The following ST6GALNAC5 variants were observed in gnomAD, a reference collection of about 807,000 sequenced individuals.
The protein encoded by ST6GALNAC5 is ST6 N-acetylgalactosaminide alpha-2,6-sialyltransferase 5, also known as alpha-N-acetylgalactosaminide alpha-2,6-sialyltransferase 5.
In ST6GALNAC5, 27 loss-of-function variants were observed where a neutral mutation model predicts 33.6. The ratio of observed to expected loss-of-function variants is 0.80; its 90% confidence interval spans 0.59 to 1.11. The LOEUF is 1.11. Ranked by LOEUF, ST6GALNAC5 falls within the 50% of genes least tolerant of loss-of-function variation. The probability of loss-of-function intolerance (pLI) is 0.00; values close to 1 mark genes in which losing one functional copy is unlikely to be tolerated. For synonymous variants in ST6GALNAC5, 194 were observed against 171.2 expected (o/e 1.13, Z -1.04); for missense variants, 428 against 454.0 (o/e 0.94, Z 0.52).
intron 2 of ST6GALNAC5, among the ~76,000 whole-genome samples, chr1:76,883,228 C>A (rs181746809): frequency 6.6e-5 from 10 of 152,310 alleles, no homozygotes; most frequent in Non-Finnish European, 1.2e-4. Flanking sequence ...CTAAAATATT[C>A]TCTGTATCTT....
intron 2 of ST6GALNAC5, among the ~76,000 whole-genome samples, chr1:76,991,839 GCA>G (rs4032991): frequency 0.021 from 3,106 of 149,038 alleles, 71 homozygotes; most frequent in African/African-American, 0.06. Context: ...ACGCGTGTGC[GCA>G]CACACACACA....
chr1:76,958,918 C>A (rs1648113988), intron 2 of ST6GALNAC5, among the ~76,000 whole-genome samples: 1 of 152,150 alleles, frequency 6.6e-6, no homozygotes, highest in East Asian at 1.9e-4. Flanking sequence ...ACCTTTCTCT[C>A]TTTATCCTCT....
chr1:76,970,235 G>C (rs1648689771), intron 2 of ST6GALNAC5, among the ~76,000 whole-genome samples: 2 of 152,050 alleles, frequency 1.3e-5, no homozygotes, highest in South Asian at 4.1e-4. Context: ...GGCTTCAGAA[G>C]GTCGGTAATA....
intron 2 of ST6GALNAC5, chr1:76,995,580 C>T (rs1649899454): frequency 1.3e-5 from 2 of 151,936 alleles, no homozygotes; most frequent in Non-Finnish European, 2.9e-5. Flanking sequence ...CTTTCTGTCT[C>T]TCTCCTAGAG....
At chr1:76,993,685 T>C (rs377454949) in intron 2 of ST6GALNAC5, among the ~76,000 whole-genome samples, 11 of 152,354 alleles carry the variant, frequency 7.2e-5, no homozygotes, top group Middle Eastern at 6.8e-3. Flanking sequence ...CAGGGCTCTA[T>C]TCCTCATATC....
At chr1:77,011,301 C>G (rs1410170526) in intron 2 of ST6GALNAC5, among the ~76,000 whole-genome samples, 1 of 152,174 alleles carries the variant, frequency 6.6e-6, no homozygotes, top group East Asian at 1.9e-4. Flanking sequence ...TGTACAAAGT[C>G]ACCAACACAT....
At chr1:76,871,082 G>T (rs536871087) in intron 2 of ST6GALNAC5, among the ~76,000 whole-genome samples, 1 of 152,324 alleles carries the variant, frequency 6.6e-6, no homozygotes, top group South Asian at 2.1e-4. Flanking sequence ...AAAAGTTCCT[G>T]TTTAATTAGG....
intron 2 of ST6GALNAC5, among the ~76,000 whole-genome samples, chr1:76,990,485 C>T (rs1308366611): frequency 6.6e-6 from 1 of 152,118 alleles, no homozygotes; most frequent in Non-Finnish European, 1.5e-5. Flanking sequence ...AGCCTTCTGT[C>T]TTCTTTGGTG....
chr1:77,006,482 T>A (rs1436116910), intron 2 of ST6GALNAC5, among the ~76,000 whole-genome samples: 4 of 151,696 alleles, frequency 2.6e-5, no homozygotes, highest in Non-Finnish European at 5.9e-5. Flanking sequence ...CCTGGCTAAT[T>A]TTTGTAGTTT....
chr1:76,974,714 A>G (rs1198680909), intron 2 of ST6GALNAC5, among the ~76,000 whole-genome samples: 2 of 188 alleles, frequency 0.011, no homozygotes, highest in Admixed American at 0.036. Context: ...ATATAAGATA[A>G]CAGTCTTATA....
intron 2 of ST6GALNAC5, among the ~76,000 whole-genome samples, chr1:76,878,912 A>C (rs1015565151): frequency 6.6e-6 from 1 of 152,140 alleles, no homozygotes; most frequent in Non-Finnish European, 1.5e-5. Flanking sequence ...CTGTCCATTA[A>C]GGTAGCTATG....
At chr1:76,896,593 G>GTGGTGAATGTC (rs1204944814) in intron 2 of ST6GALNAC5, among the ~76,000 whole-genome samples, 2 of 151,948 alleles carry the variant, frequency 1.3e-5, no homozygotes, top group African/African-American at 4.8e-5. Flanking sequence ...ATGGGGAAAT[G>GTGGTGAATGTC]AGGTGGATCA....
At chr1:76,904,440 A>G (rs1646846260) in intron 2 of ST6GALNAC5, among the ~76,000 whole-genome samples, 1 of 152,242 alleles carries the variant, frequency 6.6e-6, no homozygotes, top group Non-Finnish European at 1.5e-5. Context: ...AAATTGTGGT[A>G]TATTCAAAAT....
chr1:76,962,148 T>G (rs192172043), intron 2 of ST6GALNAC5, among the ~76,000 whole-genome samples: 1 of 152,318 alleles, frequency 6.6e-6, no homozygotes, highest in East Asian at 1.9e-4. Context: ...TACAACTGAA[T>G]ATATACATAG....
chr1:76,930,870 T>C (rs1011566221), intron 2 of ST6GALNAC5, among the ~76,000 whole-genome samples: 1 of 152,118 alleles, frequency 6.6e-6, no homozygotes, highest in African/African-American at 2.4e-5. Context: ...AGGGAAGATA[T>C]ATTGGTTGTG....
rs758904791 is a variant in ST6GALNAC5, at chr1:76,944,713, CA to C, written c.261+75973del. Among the ~76,000 whole-genome samples the C allele has an allele frequency of 1.2e-4, 19 of 152,158 alleles. 1 individual carries two copies. Among genetic ancestry groups the C allele is most frequent in the Admixed American group, 1.1e-3 (17 of 15,264 alleles). ...TAAAGCAGCTTCCTTGATTAAGGGGCAAGGTCTCAGGTTAACGTGAGATAAG... is the reference window on the plus strand; with the variant it reads ...TAAAGCAGCTTCCTTGATTAAGGGGCAGGTCTCAGGTTAACGTGAGATAAG... On this transcript the variant is annotated intron_variant, in intron 2 of 4. Transcript: ENST00000477717.
chr1:77,062,533 G>A (rs1203108584), intron 4 of ST6GALNAC5, among the ~76,000 whole-genome samples: 1 of 152,150 alleles, frequency 6.6e-6, no homozygotes, highest in Non-Finnish European at 1.5e-5. Flanking sequence ...ACTTAGAAGG[G>A]GAGCCACATC....
chr1:77,030,406 C>T (rs977847686), intron 2 of ST6GALNAC5, among the ~76,000 whole-genome samples: 3 of 152,178 alleles, frequency 2.0e-5, no homozygotes, highest in Non-Finnish European at 4.4e-5. Context: ...CACAGGCTTA[C>T]ATTGGGGTTA....
chr1:76,965,454 G>T (rs1026831625), intron 2 of ST6GALNAC5, among the ~76,000 whole-genome samples: 1 of 151,962 alleles, frequency 6.6e-6, no homozygotes, highest in African/African-American at 2.4e-5. Flanking sequence ...TTTTTGATGG[G>T]GTTGTTTTCT....
Sources: gnomAD v4.1 joint callset for allele counts (sites outside exome capture counted in the v4.1 genomes callset) on GRCh38, gnomAD v4.1.1 for gene constraint, MANE v1.5 for transcripts, NCBI Gene and HGNC (gene_info 2026-07-23, HGNC 2026-07-21) for gene names.